Variants in RAB44 observed in about 807,000 individuals in gnomAD.
The protein encoded by RAB44 is ras-related protein Rab-44.
Under a neutral mutation model 93.3 loss-of-function variants are expected in RAB44, and 67 were observed. The observed-to-expected ratio is 0.72, with a 90% CI of 0.59 to 0.88. The LOEUF is 0.88. RAB44 is among the 40% of genes least tolerant of loss of function. RAB44 has a pLI of 0.00. For synonymous variants in RAB44, 427 were observed against 520.3 expected, an observed-to-expected ratio of 0.82 and a Z score of 2.44; for missense variants, 1,064 against 1,261.7, an observed-to-expected ratio of 0.84 and a Z score of 2.37.
rs1469587665 is a variant in RAB44, at chr6:36,704,387, T to G, written c.152T>G (p.Phe51Cys). 1.3e-6 allele frequency: 2 copies of G among 1,536,080 alleles called. No homozygotes were observed. Reference sequence around the variant, plus strand: ...CAGGCAGCGGCAGAACTGCAGGCCTTCTTCCAGGACTGTGGTGCCAAGGAG... The same window carrying G: ...CAGGCAGCGGCAGAACTGCAGGCCTGCTTCCAGGACTGTGGTGCCAAGGAG... ...SSQAAAELQA[F>C]FQDCGAKERG... Residue 51 changes from phenylalanine (F) to cysteine (C), a missense_variant, in exon 2 of 14, where the codon TTC becomes TGC. Physicochemically the swap from Phe to Cys is radical, Grantham distance 205. Transcript: ENST00000612677.
rs182854613 is a variant in RAB44 at position 36,707,989 on chromosome 6, T to A, written c.207+3547T>A. Reference sequence around the variant, plus strand: ...ACTTTGGGAGGCTGAGGCAGGAGGATCACTTGAGCCCAGAAATTCAAGACC... The same window carrying A: ...ACTTTGGGAGGCTGAGGCAGGAGGAACACTTGAGCCCAGAAATTCAAGACC... On this transcript the variant is annotated intron_variant, in intron 2 of 13. Coordinates refer to ENST00000612677, the MANE Select transcript of RAB44 (RefSeq NM_001257357.2). 9.0e-4 allele frequency among the ~76,000 whole-genome samples: 137 copies of A among 152,210 alleles called. 2 individuals are homozygous for A. Among genetic ancestry groups the A allele is most frequent in the South Asian group, 5.2e-3 (25 of 4,832 alleles).
intron 4 of RAB44, among the ~76,000 whole-genome samples, chr6:36,715,937 C>G (rs925002267): frequency 9.9e-5 from 15 of 152,196 alleles, no homozygotes; most frequent in South Asian, 6.2e-4. Flanking sequence ...CCGGCCCTGT[C>G]CTGCCCTGTA....
At chr6:36,720,305 G>A in intron 7 of RAB44, 58 bp from the exon 8 acceptor site, 3 of 1,225,038 alleles carry the variant, frequency 2.4e-6, no homozygotes, top group Non-Finnish European at 3.1e-6. Flanking sequence ...GCCTTGGGAG[G>A]CTTTTTGCGC....
At chr6:36,703,808 G>A (rs1391299527) in intron 1 of RAB44, among the ~76,000 whole-genome samples, 1 of 152,178 alleles carries the variant, frequency 6.6e-6, no homozygotes, top group Non-Finnish European at 1.5e-5. Context: ...AGATGGCTCA[G>A]AAGCTGCTTA....
Position 36,732,425 on chromosome 6 carries a change from G to GTT in RAB44, c.*332_*333insTT. The stretch of plus-strand genomic sequence containing the variant: ...TAAAATTTTAGGGAGAATGTGGGGG[G>GTT]GGGGTGTTACTTTCCATTTTACACA... On this transcript the variant is annotated 3_prime_UTR_variant, in exon 14 of 14. Transcript: ENST00000612677. The GTT allele has an allele frequency of 6.2e-6, 1 of 160,756 alleles. No homozygotes were observed. The highest frequency in any genetic ancestry group is 1.3e-5 in the Non-Finnish European group (1 of 74,938). 10.0% of individuals were successfully genotyped at this position (160,756 alleles called of 1,614,324 possible). A position where few individuals can be genotyped will look rare whatever the true frequency, so the allele number is the denominator to read the frequency against.
At chr6:36,714,070 C>G in intron 3 of RAB44, 131 bp downstream of exon 3, 1 of 657,960 alleles carries the variant, frequency 1.5e-6, no homozygotes, top group Non-Finnish European at 2.7e-6. Flanking sequence ...CCGGCTGCCA[C>G]AGTGGTCCGG....
At chr6:36,714,046 T>A in intron 3 of RAB44, 107 bp downstream of exon 3, 2 of 714,938 alleles carry the variant, frequency 2.8e-6, no homozygotes. Flanking sequence ...CCCAGGGACT[T>A]TCACCCCCCA....
intron 9 of RAB44, 34 bp from the exon 10 acceptor site, chr6:36,725,828 C>T (rs1309362612): frequency 6.7e-7 from 1 of 1,488,628 alleles, no homozygotes; most frequent in South Asian, 1.2e-5. Context: ...TGGATGGTAA[C>T]TTAGTAGGCT....
At position 36,728,711 on chromosome 6, in the gene RAB44, G is replaced by A. The variant is rs574381167; in HGVS notation, c.2808G>A (p.Ser936=). 92 of 1,550,530 alleles carry A rather than the reference G, an allele frequency of 5.9e-5. No homozygotes were observed. The South Asian group carries it at 6.5e-4, about 11-fold the overall frequency. Residue 936 remains serine, a synonymous_variant, in exon 12 of 14, where the codon TCG becomes TCA. Coordinates refer to ENST00000612677, the MANE Select transcript of RAB44 (RefSeq NM_001257357.2). ...YWLDCLQDAG[S]DGVVILLLGN... is the part of the protein sequence containing the mutation. Reference sequence around the variant, plus strand: ...TGTTCTGTGTGCAGGATGCAGGGTCGGATGGGGTGGTCATCCTTCTCCTGG... The same window carrying A: ...TGTTCTGTGTGCAGGATGCAGGGTCAGATGGGGTGGTCATCCTTCTCCTGG...
intron 2 of RAB44, among the ~76,000 whole-genome samples, chr6:36,708,645 T>C (rs1253639640): frequency 6.6e-6 from 1 of 152,126 alleles, no homozygotes; most frequent in East Asian, 1.9e-4. Context: ...CAAGAGTAGA[T>C]AGCTTTTTTA....
intron 2 of RAB44, among the ~76,000 whole-genome samples, chr6:36,706,558 G>A (rs1762654662): frequency 6.6e-6 from 1 of 152,060 alleles, no homozygotes; most frequent in Non-Finnish European, 1.5e-5. Context: ...CTTATAGTAG[G>A]CTTGTCACAC....
intron 12 of RAB44, among the ~76,000 whole-genome samples, chr6:36,729,470 T>TTTTC (rs1293222100): frequency 2.1e-4 from 32 of 149,056 alleles, no homozygotes; most frequent in Non-Finnish European, 4.4e-4. Context: ...AGGGAATTTT[T>TTTTC]TTTCTTTCTT....
At chr6:36,712,340 G>A (rs1230326798) in intron 2 of RAB44, among the ~76,000 whole-genome samples, 1 of 152,138 alleles carries the variant, frequency 6.6e-6, no homozygotes, top group Non-Finnish European at 1.5e-5. Flanking sequence ...TCAAAGAGCT[G>A]TTCTCCTTCC....
In RAB44 at chr6:36,732,256, C is replaced by G. The variant is rs1763379697; in HGVS notation, c.*163C>G. On this transcript the variant is annotated 3_prime_UTR_variant, in exon 14 of 14. Coordinates refer to ENST00000612677, the MANE Select transcript of RAB44 (RefSeq NM_001257357.2). ...ATCCCAGAGCAGGGCCGCATCACCT[C>G]TGCCTTTCACACTCCAAAGGAGGGC... 1 of 398,072 alleles carries G rather than the reference C, an allele frequency of 2.5e-6. No homozygotes were observed. Among genetic ancestry groups the G allele is most frequent in the Non-Finnish European group, 4.4e-6 (1 of 228,468 alleles). The allele number at this position is 398,072 out of a possible 1,614,324, so 24.7% of individuals were successfully genotyped here.
intron 10 of RAB44, among the ~76,000 whole-genome samples, chr6:36,726,238 G>A (rs1404895429): frequency 2.0e-5 from 3 of 152,182 alleles, no homozygotes; most frequent in African/African-American, 7.2e-5. Flanking sequence ...CTAGGCAGTA[G>A]TGATCAAAAA....
intron 1 of RAB44, 104 bp downstream of exon 1, chr6:36,698,019 G>A (rs1190534315): frequency 6.6e-6 from 1 of 152,244 alleles, no homozygotes; most frequent in Non-Finnish European, 1.5e-5. Flanking sequence ...GGGTGCAAAA[G>A]GCAGAGCCCT....
chr6:36,725,727 C>A, intron 9 of RAB44, 135 bp from the exon 10 acceptor site: 3 of 657,454 alleles, frequency 4.6e-6, no homozygotes, highest in Non-Finnish European at 8.6e-6. Context: ...GGATGCAGAG[C>A]CGAGGGGAAG....
intron 3 of RAB44, 130 bp from the exon 4 acceptor site, chr6:36,715,349 T>G: frequency 1.3e-6 from 1 of 791,940 alleles, no homozygotes; most frequent in Non-Finnish European, 2.0e-6. Flanking sequence ...AATATGTGAA[T>G]GTAGCCTTGT....
chr6:36,730,214 C>T (rs948733933), intron 12 of RAB44, among the ~76,000 whole-genome samples: 38 of 152,088 alleles, frequency 2.5e-4, no homozygotes, highest in East Asian at 9.6e-4. Flanking sequence ...AGTTAGCCCC[C>T]GCCCCGTAAA....
Sources: allele counts gnomAD v4.1 joint callset (sites outside exome capture counted in the v4.1 genomes callset), GRCh38; gene constraint gnomAD v4.1.1; transcripts MANE v1.5; gene names NCBI Gene and HGNC (gene_info 2026-07-23, HGNC 2026-07-21).